The following BORCS5 variants were observed in gnomAD, a reference collection of about 807,000 sequenced individuals.
The protein encoded by BORCS5 is BLOC-1-related complex subunit 5.
A neutral mutation model predicts 22.1 loss-of-function variants in BORCS5; 17 were observed. The observed-to-expected ratio is 0.77, with a 90% CI of 0.53 to 1.15. The LOEUF (loss-of-function observed/expected upper bound fraction) is 1.15, where lower values mean the gene tolerates loss of function less well. BORCS5 is among the 50% of genes most tolerant of loss of function. BORCS5 has a pLI of 0.00. For missense variants in BORCS5, 247 were observed against 253.2 expected (o/e 0.98, Z 0.17); for synonymous variants, 117 against 99.8 (o/e 1.17, Z -1.03).
rs1165580213 is a variant in BORCS5 at position 12,378,713 on chromosome 12, G to C, written c.202+17364G>C. On this transcript the variant is annotated intron_variant, in intron 2 of 3. Coordinates refer to ENST00000314565, the MANE Select transcript of BORCS5 (RefSeq NM_058169.6). ...CACATTTGAATAGTTGTGTAGTTTA[G>C]TTGATTATATTGTAGCAGTGTTAAT... Among the ~76,000 whole-genome samples the C allele has an allele frequency of 2.0e-5, 3 of 151,208 alleles. 1 individual carries two copies. Among genetic ancestry groups the C allele is most frequent in the South Asian group, 2.1e-4 (1 of 4,792 alleles).
At chr12:12,455,646 G>C (rs990251546) in intron 3 of BORCS5, among the ~76,000 whole-genome samples, 1 of 152,084 alleles carries the variant, frequency 6.6e-6, no homozygotes, top group Non-Finnish European at 1.5e-5. Flanking sequence ...AGGCGTGGTG[G>C]CACACACCTG....
At chr12:12,463,879 G>A (rs1943153550) in intron 3 of BORCS5, among the ~76,000 whole-genome samples, 1 of 152,190 alleles carries the variant, frequency 6.6e-6, no homozygotes, top group South Asian at 2.1e-4. Context: ...ATTTCAGATA[G>A]AAACTCTTCA....
chr12:12,374,167 A>G (rs1431815697), intron 2 of BORCS5, among the ~76,000 whole-genome samples: 1 of 148,528 alleles, frequency 6.7e-6, no homozygotes, highest in Non-Finnish European at 1.5e-5. Context: ...TTTTTTTTGT[A>G]TTTTTAGTAG....
rs1863277034 is a variant in BORCS5 at position 12,361,218 on chromosome 12, C to G, written c.71C>G (p.Pro24Arg). ...NDLNSSVTPS[P>R]AKHRAKMDDI... ...ACTTTATTTTCAGTGACTCCTTCAC[C>G]AGCCAAGCATAGAGCCAAGATGGAT... The change falls in exon 2 of 4, where the codon CCA (proline) becomes CGA (arginine). Residue 24 changes from proline (P) to arginine (R), a missense_variant. Pro to Arg is a moderately radical substitution (Grantham distance 103, BLOSUM62 -2). Coordinates refer to ENST00000314565, the MANE Select transcript of BORCS5 (RefSeq NM_058169.6). 1.9e-6 allele frequency: 3 copies of G among 1,613,914 alleles called. No homozygotes were observed. The highest frequency in any genetic ancestry group is 1.1e-5 in the South Asian group (1 of 91,072).
chr12:12,391,678 A>G (rs937439315), intron 2 of BORCS5, among the ~76,000 whole-genome samples: 1 of 151,148 alleles, frequency 6.6e-6, no homozygotes, highest in Non-Finnish European at 1.5e-5. Flanking sequence ...GTGAGCCACC[A>G]CGCCTGGCAC....
intron 2 of BORCS5, among the ~76,000 whole-genome samples, chr12:12,430,220 G>A (rs564542258): frequency 2.8e-5 from 4 of 145,146 alleles, no homozygotes; most frequent in Admixed American, 7.0e-5. Flanking sequence ...GCAAGATCTC[G>A]GCTCACTGCA....
chr12:12,431,403 CTTTT>C (rs386375632), intron 2 of BORCS5, among the ~76,000 whole-genome samples: 1 of 121,094 alleles, frequency 8.3e-6, no homozygotes, highest in Non-Finnish European at 1.6e-5. Context: ...TTTGCTAATT[CTTTT>C]TTTTTTTTTT....
rs182863337 is a variant in BORCS5 at position 12,359,597 on chromosome 12, A to G, written c.59-1609A>G. ...GGCTGATCTCGAACTCCTGACCTCAAGTGATCCACCTGGCTTGGCCTCCCA... is the reference window on the plus strand; with the variant it reads ...GGCTGATCTCGAACTCCTGACCTCAGGTGATCCACCTGGCTTGGCCTCCCA... On this transcript the variant is annotated intron_variant, in intron 1 of 3. Transcript: ENST00000314565. Among the ~76,000 whole-genome samples the G allele has an allele frequency of 3.3e-5, 5 of 151,486 alleles. No homozygotes were observed. The East Asian group carries it at 7.8e-4, about 24-fold the overall frequency.
At position 12,400,590 on chromosome 12, in the gene BORCS5, A is replaced by AG. The variant is rs780412926; in HGVS notation, c.203-35038_203-35037insG. ...TCATTTGCAGTATGTCAGCATACAG[A>AG]AAAAAAAAAAAAAATAGCAAACACC... On this transcript the variant is annotated intron_variant, in intron 2 of 3. Transcript: ENST00000314565. 9.1e-4 allele frequency among the ~76,000 whole-genome samples: 32 copies of AG among 34,976 alleles called. No homozygotes were observed. The African/African-American group carries it at 1.0e-2, about 11-fold the overall frequency. 22.9% of individuals were successfully genotyped at this position (34,976 alleles called of 152,430 possible).
chr12:12,447,919 C>CT (rs1368977953), intron 3 of BORCS5, among the ~76,000 whole-genome samples: 17 of 152,310 alleles, frequency 1.1e-4, no homozygotes, highest in African/African-American at 3.8e-4. Flanking sequence ...TATCCACCTG[C>CT]TGCATCTGTG....
intron 2 of BORCS5, among the ~76,000 whole-genome samples, chr12:12,424,958 T>A (rs1942241963): frequency 6.6e-6 from 1 of 152,196 alleles, no homozygotes; most frequent in African/African-American, 2.4e-5. Context: ...GAAAGTCACT[T>A]CAGCGTGAGT....
chr12:12,450,100 A>G (rs1252904792), intron 3 of BORCS5, among the ~76,000 whole-genome samples: 1 of 152,276 alleles, frequency 6.6e-6, no homozygotes, highest in Non-Finnish European at 1.5e-5. Flanking sequence ...ATAGTAGAAC[A>G]AACTATGGAA....
chr12:12,460,506 T>G (rs1943082903), intron 3 of BORCS5, among the ~76,000 whole-genome samples: 1 of 152,260 alleles, frequency 6.6e-6, no homozygotes. Flanking sequence ...CATTGGCTAC[T>G]GCATATAGTA....
intron 1 of BORCS5, among the ~76,000 whole-genome samples, chr12:12,358,369 C>T (rs1863195317): frequency 6.6e-6 from 1 of 152,166 alleles, no homozygotes; most frequent in African/African-American, 2.4e-5. Context: ...GGGTGTTTCA[C>T]TTTAAGGTGT....
chr12:12,386,253 G>A (rs1384030920), intron 2 of BORCS5, among the ~76,000 whole-genome samples: 2 of 150,962 alleles, frequency 1.3e-5, no homozygotes, highest in Non-Finnish European at 3.0e-5. Context: ...CACCTGCCTC[G>A]GCCTCCCAAA....
Position 12,420,525 on chromosome 12 carries a change from C to A in BORCS5, c.203-15103C>A, listed in dbSNP as rs6647108. 1.9e-4 allele frequency among the ~76,000 whole-genome samples: 29 copies of A among 152,188 alleles called. 1 individual carries two copies. Among genetic ancestry groups the A allele is most frequent in the Admixed American group, 1.9e-3 (29 of 15,284 alleles). On this transcript the variant is annotated intron_variant, in intron 2 of 3. Coordinates refer to ENST00000314565, the MANE Select transcript of BORCS5 (RefSeq NM_058169.6). Reference sequence around the variant, plus strand: ...TTTGCTTAGGATTGTCTTGGCAATGCGGGCTCTTTTTTGGTTCCATATGAA... The same window carrying A: ...TTTGCTTAGGATTGTCTTGGCAATGAGGGCTCTTTTTTGGTTCCATATGAA...
chr12:12,423,172 T>G (rs1020003440), intron 2 of BORCS5, among the ~76,000 whole-genome samples: 3 of 151,974 alleles, frequency 2.0e-5, no homozygotes, highest in Non-Finnish European at 4.4e-5. Flanking sequence ...TGGCTAATTT[T>G]TTTGTATTTT....
chr12:12,368,263 C>A (rs1257082309), intron 2 of BORCS5, among the ~76,000 whole-genome samples: 1 of 151,716 alleles, frequency 6.6e-6, no homozygotes, highest in East Asian at 1.9e-4. Flanking sequence ...ACCTCCCCAC[C>A]CAGTGGTATT....
In BORCS5 at chr12:12,403,854, TC is replaced by T. The variant is rs200411887; in HGVS notation, c.203-31773del. ...ATATGATTTAATTACCCTAGATCAA[TC>T]AAGCTTTGACTTACTGATGGCAGGA... On this transcript the variant is annotated intron_variant, in intron 2 of 3. Coordinates refer to ENST00000314565, the MANE Select transcript of BORCS5 (RefSeq NM_058169.6). Among the ~76,000 whole-genome samples, 832 of 152,308 alleles carry T rather than the reference TC, an allele frequency of 5.5e-3. 7 individuals carry two copies. Among genetic ancestry groups the T allele is most frequent in the African/African-American group, 0.019 (770 of 41,556 alleles).
Sources: allele counts gnomAD v4.1 joint callset (sites outside exome capture counted in the v4.1 genomes callset), GRCh38; gene constraint gnomAD v4.1.1; transcripts MANE v1.5; gene names NCBI Gene and HGNC (gene_info 2026-07-23, HGNC 2026-07-21).